SYT14: variants seen among roughly 807,000 people sequenced by gnomAD.
SYT14 encodes synaptotagmin-14.
In SYT14, 32 loss-of-function variants were observed where a neutral mutation model predicts 74.2. That is an observed-to-expected ratio of 0.43 (90% CI 0.33 to 0.58). The LOEUF is 0.58. Ranked by LOEUF, SYT14 falls within the 20% of genes least tolerant of loss-of-function variation. The pLI is 0.05. For synonymous variants in SYT14, 298 were observed against 337.7 expected (o/e 0.88, Z 1.29); for missense variants, 791 against 981.8 (o/e 0.81, Z 2.60).
At chr1:209,961,868 A>G (rs1181735968) in intron 2 of SYT14, among the ~76,000 whole-genome samples, 3 of 152,118 alleles carry the variant, frequency 2.0e-5, no homozygotes, top group Non-Finnish European at 4.4e-5. Flanking sequence ...AAATGTTTCT[A>G]TAATTCATTT....
At position 210,139,270 on chromosome 1, in the gene SYT14, T is replaced by TTC. The variant is rs1553286661; in HGVS notation, c.2035-16450_2035-16449insCT. Among the ~76,000 whole-genome samples the TTC allele has an allele frequency of 7.6e-5, 10 of 132,088 alleles. No individual in the cohort carries two copies. The East Asian group carries it at 1.9e-3, about 24-fold the overall frequency. 86.7% of individuals were successfully genotyped at this position (132,088 alleles called of 152,430 possible). ...CCTGGCTAATTTTCTTTTTTCTTTT[T>TTC]TTTTTTTTTTTTTTTTTGATTTTTA... On this transcript the variant is annotated intron_variant, in intron 7 of 9. Coordinates refer to ENST00000637265, the Ensembl canonical transcript of SYT14.
chr1:209,939,651 C>G (rs1039345863), intron 1 of SYT14, among the ~76,000 whole-genome samples: 9 of 152,210 alleles, frequency 5.9e-5, no homozygotes, highest in African/African-American at 1.9e-4. Flanking sequence ...ATCAAGAAAC[C>G]AAACCCACTG....
At chr1:210,022,208 G>T (rs115918767) in intron 5 of SYT14, among the ~76,000 whole-genome samples, 2,433 of 152,230 alleles carry the variant, frequency 0.016, 77 homozygotes, top group African/African-American at 0.055. Context: ...AGCATGTACA[G>T]TTGTCAAAGG....
chr1:209,955,018 T>G (rs1043689766), intron 2 of SYT14, among the ~76,000 whole-genome samples: 4 of 152,184 alleles, frequency 2.6e-5, no homozygotes, highest in African/African-American at 9.7e-5. Context: ...ACATCACAAC[T>G]TCTTTTTACC....
chr1:210,064,699 T>C (rs1383018553), intron 5 of SYT14, among the ~76,000 whole-genome samples: 1 of 152,096 alleles, frequency 6.6e-6, no homozygotes, highest in African/African-American at 2.4e-5. Flanking sequence ...ACCTTTTGGC[T>C]ATTGTGAATA....
intron 7 of SYT14, among the ~76,000 whole-genome samples, chr1:210,127,528 A>G (rs1170071948): frequency 1.3e-5 from 2 of 152,330 alleles, no homozygotes; most frequent in Non-Finnish European, 2.9e-5. Context: ...GAGCCCTTCC[A>G]ACAAGAAATG....
exon 10 of SYT14, chr1:210,164,026 G>T: frequency 2.2e-6 from 1 of 453,342 alleles, no homozygotes; most frequent in Non-Finnish European, 4.4e-6. Flanking sequence ...TCTAAACCTG[G>T]AATTATGGGG....
exon 10 of SYT14, chr1:210,163,023 T>TG: frequency 2.2e-6 from 1 of 453,636 alleles, no homozygotes; most frequent in Non-Finnish European, 4.4e-6. Context: ...AAAAAAGACT[T>TG]GAAGAGGGGA....
At chr1:210,125,923 AG>A (rs2082560075) in intron 7 of SYT14, among the ~76,000 whole-genome samples, 1 of 152,160 alleles carries the variant, frequency 6.6e-6, no homozygotes, top group Non-Finnish European at 1.5e-5. Context: ...GGCAACGTCC[AG>A]CCAGGCACGG....
intron 2 of SYT14, among the ~76,000 whole-genome samples, chr1:209,962,682 A>C (rs560824539): frequency 6.6e-6 from 1 of 152,268 alleles, no homozygotes; most frequent in East Asian, 1.9e-4. Context: ...ATATACGCTA[A>C]GAGTAAAGCA....
intron 2 of SYT14, among the ~76,000 whole-genome samples, chr1:209,954,332 GC>G (rs2078958573): frequency 6.6e-6 from 1 of 151,382 alleles, no homozygotes; most frequent in African/African-American, 2.4e-5. Flanking sequence ...GTTCTTTATT[GC>G]TGTCTCTATT....
At chr1:210,121,558 G>A (rs1180019289) in intron 7 of SYT14, among the ~76,000 whole-genome samples, 1 of 152,166 alleles carries the variant, frequency 6.6e-6, no homozygotes, top group Non-Finnish European at 1.5e-5. Flanking sequence ...ACTTTGGGAG[G>A]CCAAGGTGGG....
chr1:210,159,286 A>C (rs1036257906), intron 8 of SYT14, 135 bp from the exon 8 acceptor site: 1 of 866,168 alleles, frequency 1.2e-6, no homozygotes, highest in Non-Finnish European at 1.9e-6. Context: ...TATCTGAATT[A>C]AAATGCTAAA....
Position 210,082,369 on chromosome 1 carries a change from A to G in SYT14, c.1313-11953A>G, listed in dbSNP as rs574504299. On this transcript the variant is annotated intron_variant, in intron 5 of 9. Coordinates refer to ENST00000637265, the Ensembl canonical transcript of SYT14. ...AAAGTTGAGAACCGAAGAGACTACT[A>G]GGAATTCTATCCACCGAGGTTTTCC... is the stretch of plus-strand genomic sequence containing the variant. Among the ~76,000 whole-genome samples, 11 of 152,316 alleles carry G rather than the reference A, an allele frequency of 7.2e-5. No individual in the cohort carries two copies. In the South Asian group the frequency reaches 8.3e-4, roughly 11 times the overall value.
rs1004834102 is a variant in SYT14, at chr1:210,115,833, T to A, written c.2034+15372T>A. 8.6e-5 allele frequency among the ~76,000 whole-genome samples: 13 copies of A among 151,162 alleles called. 1 individual carries two copies. The highest frequency in any genetic ancestry group is 3.2e-4 in the African/African-American group (13 of 40,508). ...CCCAAGGGAGGTCTCCCAGTCTGAGTCACGGCACCAAATTTCATGTGCATC... is the reference window on the plus strand; with the variant it reads ...CCCAAGGGAGGTCTCCCAGTCTGAGACACGGCACCAAATTTCATGTGCATC... On this transcript the variant is annotated intron_variant, in intron 7 of 9. Transcript: ENST00000637265.
chr1:209,952,349 C>A (rs1188918381), intron 1 of SYT14, among the ~76,000 whole-genome samples: 1 of 151,906 alleles, frequency 6.6e-6, no homozygotes, highest in Non-Finnish European at 1.5e-5. Context: ...ATAACTTAAC[C>A]TGTGTATGTT....
In SYT14 at chr1:210,102,834, A is replaced by G. The variant is rs540759770; in HGVS notation, c.2034+2373A>G. On this transcript the variant is annotated intron_variant, in intron 7 of 9. Transcript: ENST00000637265. ...ATAGCTAGGACTACAGGTGCACACC[A>G]CCAGGCCTGGCTAATTTTTTTTTTT... Among the ~76,000 whole-genome samples, 9 of 150,880 alleles carry G rather than the reference A, an allele frequency of 6.0e-5. No individual in the cohort carries two copies. In the South Asian group the frequency reaches 1.7e-3, roughly 28 times the overall value.
intron 5 of SYT14, among the ~76,000 whole-genome samples, chr1:210,025,756 A>AT (rs756090357): frequency 3.3e-5 from 5 of 152,168 alleles, no homozygotes; most frequent in Non-Finnish European, 7.4e-5. Context: ...ATGCTGTCAT[A>AT]TTTAATTTTC....
chr1:210,091,734 A>G (rs75530006), intron 5 of SYT14, among the ~76,000 whole-genome samples: 4,138 of 152,010 alleles, frequency 0.027, 200 homozygotes, highest in African/African-American at 0.094. Context: ...TTAGGCATCT[A>G]CTCTTTTCCA....
Sources: gnomAD v4.1 joint callset for allele counts (sites outside exome capture counted in the v4.1 genomes callset) on GRCh38, gnomAD v4.1.1 for gene constraint, MANE v1.5 for transcripts, NCBI Gene and HGNC (gene_info 2026-07-23, HGNC 2026-07-21) for gene names.